LOC128071547: variants seen among roughly 807,000 people sequenced by gnomAD.
the LOC128071547 span, chr12:120,534,891 C>T: frequency 3.1e-6 from 5 of 1,608,258 alleles, no homozygotes; most frequent in Admixed American, 3.3e-5. Flanking sequence ...TCCTCCGCCT[C>T]TTCGGGCAGC....
At chr12:120,534,902 A>G in the LOC128071547 span, 1 of 1,607,926 alleles carries the variant, frequency 6.2e-7, no homozygotes, top group Non-Finnish European at 8.5e-7. Context: ...TTCGGGCAGC[A>G]GCAAAGGGCA....
the LOC128071547 span, chr12:120,534,788 C>T: frequency 1.9e-6 from 3 of 1,546,164 alleles, no homozygotes; most frequent in African/African-American, 1.4e-5. Flanking sequence ...GCTCCGACTG[C>T]CGTCGCCGCC....
chr12:120,534,823 C>G, the LOC128071547 span: 9 of 1,587,162 alleles, frequency 5.7e-6, no homozygotes, highest in East Asian at 2.0e-4. Context: ...TGCCGCTGAG[C>G]TCCCCCAACG....
Sources: gnomAD v4.1 joint callset for allele counts on GRCh38, gnomAD v4.1.1 for gene constraint, MANE v1.5 for transcripts.